Variants in VLDLR observed in about 807,000 individuals in gnomAD.
The protein encoded by VLDLR is very low-density lipoprotein receptor.
VLDLR carries 81 observed loss-of-function variants against 112.7 expected under a neutral mutation model. The ratio of observed to expected loss-of-function variants is 0.72; its 90% CI spans 0.60 to 0.86. The LOEUF (loss-of-function observed/expected upper bound fraction) is 0.86, where lower values mean the gene tolerates loss of function less well. Among genes scored for constraint, VLDLR ranks in the 40% least tolerant of loss-of-function variants. The probability of loss-of-function intolerance (pLI) is 0.00; values close to 1 mark genes in which losing one functional copy is unlikely to be tolerated. For synonymous variants in VLDLR, 436 were observed against 384.8 expected (o/e 1.13, Z -1.56); for missense variants, 1,237 against 1,099.4 (o/e 1.13, Z -1.77).
rs1818558238 is a variant in VLDLR, at chr9:2,655,414, A to T, written c.*1546A>T. The T allele has an allele frequency of 6.6e-6, 1 of 152,198 alleles. No individual in the cohort carries two copies. The highest frequency in any genetic ancestry group is 1.5e-5 in the Non-Finnish European group (1 of 68,044). The allele number at this position is 152,198 out of a possible 1,614,324, so 9.4% of individuals were successfully genotyped here. ...CACCGGGTGCATGCTGTGTGTCACA[A>T]GTGAGGTGGAGAGTTGGCTGTGGAA... On this transcript the variant is annotated 3_prime_UTR_variant, in exon 19 of 19. Coordinates refer to ENST00000382100, the MANE Select transcript of VLDLR (RefSeq NM_003383.5).
chr9:2,635,481 A>T lies in VLDLR; in HGVS notation c.111A>T (p.Gln37His). 1 of 1,614,136 alleles carries T rather than the reference A, an allele frequency of 6.2e-7. No individual in the cohort carries two copies. Among genetic ancestry groups the T allele is most frequent in the Non-Finnish European group, 8.5e-7 (1 of 1,179,988 alleles). The change falls in exon 2 of 19, where the codon CAA becomes CAT. Residue 37 changes from glutamine (Q) to histidine (H), a missense_variant. Coordinates refer to ENST00000382100, the MANE Select transcript of VLDLR (RefSeq NM_003383.5). ...TGRKAKCEPSQFQCTNGRCIT... is the reference protein window; with the variant it reads ...TGRKAKCEPSHFQCTNGRCIT... ...GAAAAGCCAAATGTGAACCCTCCCAATTCCAGTGCACAAATGGTCGCTGTA... is the reference window on the plus strand; with the variant it reads ...GAAAAGCCAAATGTGAACCCTCCCATTTCCAGTGCACAAATGGTCGCTGTA...
At chr9:2,630,615 A>G (rs1817307406) in intron 1 of VLDLR, among the ~76,000 whole-genome samples, 1 of 152,274 alleles carries the variant, frequency 6.6e-6, no homozygotes, top group African/African-American at 2.4e-5. Flanking sequence ...GTCCGTTTGG[A>G]AGGCTTGGTA....
intron 17 of VLDLR, among the ~76,000 whole-genome samples, chr9:2,652,329 C>T (rs1418765891): frequency 3.3e-5 from 5 of 152,178 alleles, no homozygotes. Context: ...CTAAGAGTTA[C>T]AGGACTTGTT....
At chr9:2,633,122 A>G (rs1199353752) in intron 1 of VLDLR, among the ~76,000 whole-genome samples, 1 of 150,386 alleles carries the variant, frequency 6.6e-6, no homozygotes, top group African/African-American at 2.5e-5. Context: ...CAGCTTTATG[A>G]TGATCAGGCA....
intron 1 of VLDLR, among the ~76,000 whole-genome samples, chr9:2,627,087 T>C (rs1370458242): frequency 6.6e-6 from 1 of 152,072 alleles, no homozygotes; most frequent in Non-Finnish European, 1.5e-5. Context: ...TTTGTGGCAC[T>C]TAGTCTAGTA....
chr9:2,650,324 T>G (rs1256748948), intron 14 of VLDLR, 46 bp from the exon 15 acceptor site: 18 of 1,612,004 alleles, frequency 1.1e-5, no homozygotes, highest in Non-Finnish European at 1.5e-5. Context: ...TTATATATAC[T>G]AGGCACCGGA....
chr9:2,635,143 C>G (rs1817545117), intron 1 of VLDLR, among the ~76,000 whole-genome samples: 2 of 152,162 alleles, frequency 1.3e-5, no homozygotes, highest in South Asian at 4.1e-4. Flanking sequence ...GATCCTCTAT[C>G]CTCTTAAGGA....
At position 2,652,791 on chromosome 9, in the gene VLDLR, A is replaced by G. The variant is rs150059993; in HGVS notation, c.2428A>G (p.Met810Val). 12 of 1,613,924 alleles carry G rather than the reference A, an allele frequency of 7.4e-6. No individual in the cohort carries two copies. Among genetic ancestry groups the G allele is most frequent in the Non-Finnish European group, 1.0e-5 (12 of 1,179,978 alleles). ...CTGATTTTTTTCAGTGCTCTTAGTGATGGCAGCAGTAGGTGGCTACTTGAT... is the reference window on the plus strand; with the variant it reads ...CTGATTTTTTTCAGTGCTCTTAGTGGTGGCAGCAGTAGGTGGCTACTTGAT... ...WAILPLLLLVMAAVGGYLMWR... is the reference protein window; with the variant it reads ...WAILPLLLLVVAAVGGYLMWR... The change falls in exon 18 of 19, where the codon ATG (methionine) becomes GTG (valine). Residue 810 changes from methionine to valine, a missense_variant. Met to Val is a conservative substitution (Grantham distance 21). Coordinates refer to ENST00000382100, the MANE Select transcript of VLDLR (RefSeq NM_003383.5).
intron 3 of VLDLR, among the ~76,000 whole-genome samples, chr9:2,640,421 G>T (rs756124850): frequency 6.6e-6 from 1 of 152,192 alleles, no homozygotes; most frequent in Non-Finnish European, 1.5e-5. Flanking sequence ...AAGGTAGCTA[G>T]TAATTGGGTG....
intron 1 of VLDLR, among the ~76,000 whole-genome samples, chr9:2,634,747 G>C (rs1817526431): frequency 6.6e-6 from 1 of 152,060 alleles, no homozygotes; most frequent in African/African-American, 2.4e-5. Flanking sequence ...CTTTTATCTT[G>C]GAGCTGTTTT....
chr9:2,627,113 G>A (rs1200955261), intron 1 of VLDLR, among the ~76,000 whole-genome samples: 1 of 152,162 alleles, frequency 6.6e-6, no homozygotes, highest in Non-Finnish European at 1.5e-5. Context: ...ATCAAAGCAG[G>A]AAACAGCCAA....
chr9:2,629,276 C>T (rs897521996), intron 1 of VLDLR, among the ~76,000 whole-genome samples: 3 of 152,246 alleles, frequency 2.0e-5, no homozygotes, highest in African/African-American at 7.2e-5. Context: ...CGATGGAGGG[C>T]CTTTCCTCTG....
At position 2,652,856 on chromosome 9, in the gene VLDLR, C is replaced by T; in HGVS notation, c.2493C>T (p.Asn831=). ...NWQHKNMKSM[N]FDNPVYLKTT... is the part of the protein sequence containing the mutation. ...AACACAAGAACATGAAAAGCATGAA[C>T]TTTGACAATCCTGTGTACTTGAAAA... The change falls in exon 18 of 19, where the codon AAC becomes AAT. Residue 831 remains asparagine, a synonymous_variant. Coordinates refer to ENST00000382100, the MANE Select transcript of VLDLR (RefSeq NM_003383.5). The T allele has an allele frequency of 6.2e-7, 1 of 1,614,108 alleles. No individual in the cohort carries two copies. The highest frequency in any genetic ancestry group is 8.5e-7 in the Non-Finnish European group (1 of 1,180,012).
intron 7 of VLDLR, 144 bp from the exon 8 acceptor site, chr9:2,644,590 C>T (rs1471604711): frequency 2.9e-6 from 3 of 1,019,476 alleles, no homozygotes; most frequent in Admixed American, 2.2e-5. Context: ...AAATATATAC[C>T]TATAAAATAA....
At position 2,622,158 on chromosome 9, in the gene VLDLR, G is replaced by GCGT. The variant is rs1383589607; in HGVS notation, c.-30_-29insTCG. The GCGT allele has an allele frequency of 7.0e-7, 1 of 1,432,556 alleles. No homozygotes were observed. The highest frequency in any genetic ancestry group is 9.2e-7 in the Non-Finnish European group (1 of 1,084,772). 88.7% of individuals were successfully genotyped at this position (1,432,556 alleles called of 1,614,324 possible). On this transcript the variant is annotated 5_prime_UTR_variant, in exon 1 of 19. Transcript: ENST00000382100. ...TCGTGCGGAGCGAACGGCGGCGGCGGCGGCGGCGGCGGCACCATCCAGGCG... is the reference window on the plus strand; with the variant it reads ...TCGTGCGGAGCGAACGGCGGCGGCGGCGTCGGCGGCGGCGGCACCATCCAGGCG...
rs117526852 is a variant in VLDLR, at chr9:2,635,047, C to T, written c.83-406C>T. Among the ~76,000 whole-genome samples the T allele has an allele frequency of 1.9e-3, 292 of 152,220 alleles. 9 individuals are homozygous for T. The East Asian group carries it at 0.046, about 24-fold the overall frequency. ...GGGCAATCTGGATTCCTTCTATTTT[C>T]GTCTGGCTCCATTTGCCCGAGATCA... On this transcript the variant is annotated intron_variant, in intron 1 of 18. Transcript: ENST00000382100.
At position 2,648,496 on chromosome 9, in the gene VLDLR, A is replaced by G. The variant is rs552366903; in HGVS notation, c.1962+149A>G. ...AAAACCTGGTACAAATCAGACACTA[A>G]GTCCCAGAAGCACTCCACACCTAAA... On this transcript the variant is annotated intron_variant, in intron 13 of 18. Transcript: ENST00000382100. 4.1e-5 allele frequency: 62 copies of G among 1,507,330 alleles called. 1 individual carries two copies. In the African/African-American group the frequency reaches 7.3e-4, roughly 18 times the overall value. 93.4% of individuals were successfully genotyped at this position (1,507,330 alleles called of 1,614,324 possible).
In VLDLR at chr9:2,622,146, ACGGCGGCGG is replaced by A. The variant is rs71329437; in HGVS notation, c.-27_-19del. 519,519 of 1,386,978 alleles carry A rather than the reference ACGGCGGCGG, an allele frequency of 0.37. 94,983 individuals are homozygous for A. The highest frequency in any genetic ancestry group is 0.41 in the East Asian group (14,375 of 34,676). 85.9% of individuals were successfully genotyped at this position (1,386,978 alleles called of 1,614,324 possible). On this transcript the variant is annotated 5_prime_UTR_variant, in exon 1 of 19. Transcript: ENST00000382100. ...ACTGGTAACTTGTCGTGCGGAGCGA[ACGGCGGCGG>A]CGGCGGCGGCGGCGGCACCATCCAG...
Position 2,652,967 on chromosome 9 carries a change from CT to C in VLDLR, c.2586+21del, listed in dbSNP as rs1259335464. 1 of 1,613,786 alleles carries C rather than the reference CT, an allele frequency of 6.2e-7. No homozygotes were observed. Among genetic ancestry groups the C allele is most frequent in the Admixed American group, 1.7e-5 (1 of 59,996 alleles). Reference sequence around the variant, plus strand: ...ACCCAGCAGTAAGTCAGCTTTGTGTCTTTATACACCATGGCTTGAAGTGAGA... The same window carrying C: ...ACCCAGCAGTAAGTCAGCTTTGTGTCTTATACACCATGGCTTGAAGTGAGA... On this transcript the variant is annotated intron_variant, in intron 18 of 18. Coordinates refer to ENST00000382100, the MANE Select transcript of VLDLR (RefSeq NM_003383.5).
Sources: allele counts gnomAD v4.1 joint callset (sites outside exome capture counted in the v4.1 genomes callset), GRCh38; gene constraint gnomAD v4.1.1; transcripts MANE v1.5; gene names NCBI Gene and HGNC (gene_info 2026-07-23, HGNC 2026-07-21).